UNC13C: variants seen among roughly 807,000 people sequenced by gnomAD.
UNC13C encodes the protein unc-13 homolog C.
In UNC13C, 174 loss-of-function variants were observed where a neutral mutation model predicts 245.4. That is an observed-to-expected ratio of 0.71 (90% CI 0.63 to 0.80). UNC13C has a LOEUF of 0.80. Ranked by LOEUF, UNC13C falls within the 30% of genes least tolerant of loss-of-function variation. The pLI is 0.00. For missense variants in UNC13C, 2,829 were observed against 2,602.9 expected (o/e 1.09, Z -1.89); for synonymous variants, 992 against 895.1 (o/e 1.11, Z -1.93).
intron 2 of UNC13C, among the ~76,000 whole-genome samples, chr15:54,111,051 A>C (rs1900744143): frequency 6.6e-6 from 1 of 152,224 alleles, no homozygotes. Context: ...CACACTACAA[A>C]ATTTGAGAGA....
intron 10 of UNC13C, among the ~76,000 whole-genome samples, chr15:54,280,274 A>G (rs916637389): frequency 6.6e-6 from 1 of 152,076 alleles, no homozygotes; most frequent in African/African-American, 2.4e-5. Flanking sequence ...ATGAAATACA[A>G]TATACTTATT....
At chr15:54,614,135 C>G (rs1191598236) in intron 30 of UNC13C, among the ~76,000 whole-genome samples, 2 of 151,956 alleles carry the variant, frequency 1.3e-5, no homozygotes, top group African/African-American at 4.8e-5. Flanking sequence ...TTTTATGAAA[C>G]TCAGGTCAAT....
intron 24 of UNC13C, among the ~76,000 whole-genome samples, chr15:54,521,271 TGCACTTCTTTACAG>T (rs1477960668): frequency 6.6e-6 from 1 of 152,166 alleles, no homozygotes; most frequent in Non-Finnish European, 1.5e-5. Context: ...CTTCCTGATT[TGCACTTCTTTACAG>T]AAAATAACCG....
At chr15:53,891,543 C>G in the UNC13C span, among the ~76,000 whole-genome samples, 14 of 152,086 alleles carry the variant, frequency 9.2e-5, no homozygotes, top group Admixed American at 2.0e-4. Context: ...GTGGGTGCTC[C>G]TGTATTGGGT....
chr15:54,034,326 T>A (rs972816880), intron 2 of UNC13C, among the ~76,000 whole-genome samples: 4 of 152,222 alleles, frequency 2.6e-5, no homozygotes, highest in Non-Finnish European at 4.4e-5. Context: ...GTCTTAGGTG[T>A]TAGGCATGAC....
chr15:54,484,371 T>G (rs1234397805), intron 19 of UNC13C, among the ~76,000 whole-genome samples: 2 of 152,248 alleles, frequency 1.3e-5, no homozygotes, highest in African/African-American at 2.4e-5. Context: ...TGTTCACTTA[T>G]GCGTTTTCAG....
In UNC13C at chr15:54,473,962, C is replaced by T. The variant is rs374687163; in HGVS notation, c.4934-20646C>T. Among the ~76,000 whole-genome samples, 7 of 151,826 alleles carry T rather than the reference C, an allele frequency of 4.6e-5. No individual in the cohort carries two copies. In the East Asian group the frequency reaches 1.2e-3, roughly 25 times the overall value. ...GTGTGTACACCTTTTTAAATGAGAA[C>T]GTGTGATATTTGTCTTCTGTGTCTG... On this transcript the variant is annotated intron_variant, in intron 19 of 32. Transcript: ENST00000260323.
At chr15:54,537,025 G>A (rs1198137153) in intron 26 of UNC13C, among the ~76,000 whole-genome samples, 2 of 151,982 alleles carry the variant, frequency 1.3e-5, no homozygotes, top group East Asian at 1.9e-4. Context: ...CAAATAGGAA[G>A]AGAGAAAGTC....
At chr15:54,187,121 A>G (rs1231990220) in intron 4 of UNC13C, among the ~76,000 whole-genome samples, 1 of 152,068 alleles carries the variant, frequency 6.6e-6, no homozygotes, top group Admixed American at 6.6e-5. Flanking sequence ...TACACATAAA[A>G]GTTGGTATGA....
chr15:54,515,054 A>G (rs1009824960), intron 24 of UNC13C, among the ~76,000 whole-genome samples: 2 of 152,208 alleles, frequency 1.3e-5, no homozygotes, highest in African/African-American at 2.4e-5. Context: ...ATGTTTTGGC[A>G]TAACATCTCT....
At chr15:53,932,715 C>A in the UNC13C span, among the ~76,000 whole-genome samples, 1 of 152,022 alleles carries the variant, frequency 6.6e-6, no homozygotes, top group Non-Finnish European at 1.5e-5. Context: ...GCTTTGACCT[C>A]TTTTCTTATT....
At chr15:54,101,944 C>T (rs1347909814) in intron 2 of UNC13C, among the ~76,000 whole-genome samples, 1 of 151,674 alleles carries the variant, frequency 6.6e-6, no homozygotes, top group Non-Finnish European at 1.5e-5. Flanking sequence ...TCAAAAAACA[C>T]TGGCATGTGA....
At chr15:54,540,092 G>T (rs1370809312) in intron 26 of UNC13C, among the ~76,000 whole-genome samples, 1 of 152,044 alleles carries the variant, frequency 6.6e-6, no homozygotes, top group Non-Finnish European at 1.5e-5. Context: ...CTGCATAGGG[G>T]AGATGCTTAA....
intron 17 of UNC13C, among the ~76,000 whole-genome samples, chr15:54,353,815 G>C (rs1219489294): frequency 6.6e-6 from 1 of 151,970 alleles, no homozygotes; most frequent in Non-Finnish European, 1.5e-5. Flanking sequence ...AGAACTCCTG[G>C]GGTTCTGTCC....
At chr15:53,848,764 G>A in the UNC13C span, among the ~76,000 whole-genome samples, 2 of 151,890 alleles carry the variant, frequency 1.3e-5, no homozygotes, top group South Asian at 4.2e-4. Flanking sequence ...CATAATTATG[G>A]TTTTTAACTA....
Position 54,156,521 on chromosome 15 carries a change from A to G in UNC13C, c.3071+12837A>G, listed in dbSNP as rs113478268. Among the ~76,000 whole-genome samples the G allele has an allele frequency of 5.2e-3, 787 of 152,246 alleles. 3 individuals carry two copies. The highest frequency in any genetic ancestry group is 0.02 in the Middle Eastern group (6 of 294). On this transcript the variant is annotated intron_variant, in intron 4 of 32. Transcript: ENST00000260323. ...CACAGAGTGACAGCTACAGAATCTT[A>G]TAATTTAGAAGGTTCCCCACGTTTA...
At chr15:54,392,998 G>T in intron 17 of UNC13C, 50 bp from the exon 18 acceptor site, 1 of 1,468,378 alleles carries the variant, frequency 6.8e-7, no homozygotes, top group South Asian at 1.5e-5. Context: ...TCTAACTAAA[G>T]TCATCCCATT....
chr15:53,888,859 T>C, the UNC13C span, among the ~76,000 whole-genome samples: 6 of 152,198 alleles, frequency 3.9e-5, no homozygotes, highest in African/African-American at 1.4e-4. Context: ...CAGATGGTTG[T>C]AGATGTGTGG....
At chr15:53,912,354 G>A in the UNC13C span, 1 of 152,368 alleles carries the variant, frequency 6.6e-6, no homozygotes, top group Non-Finnish European at 1.5e-5. Context: ...TGGACAACTG[G>A]AGGCTATATG....
Sources: allele counts gnomAD v4.1 joint callset (sites outside exome capture counted in the v4.1 genomes callset), GRCh38; gene constraint gnomAD v4.1.1; transcripts MANE v1.5; gene names NCBI Gene and HGNC (gene_info 2026-07-23, HGNC 2026-07-21).